Variants in CTNNA2 observed in about 807,000 individuals in gnomAD.
The protein encoded by CTNNA2 is catenin alpha-2.
CTNNA2 carries 42 observed loss-of-function variants against 101.0 expected under a neutral mutation model. The observed-to-expected ratio is 0.42, with a 90% CI of 0.32 to 0.54. The LOEUF is 0.54. CTNNA2 is among the 20% of genes least tolerant of loss of function. The pLI, the probability that CTNNA2 is intolerant of heterozygous loss-of-function variation, is 0.14. For synonymous variants in CTNNA2, 450 were observed against 456.4 expected, an observed-to-expected ratio of 0.99 and a Z score of 0.18; for missense variants, 871 against 1,223.1, an observed-to-expected ratio of 0.71 and a Z score of 4.29.
chr2:79,752,116 G>A (rs1368463479), intron 3 of CTNNA2, among the ~76,000 whole-genome samples: 2 of 152,130 alleles, frequency 1.3e-5, no homozygotes, highest in Non-Finnish European at 2.9e-5. Flanking sequence ...CCACCTGGCA[G>A]AAGGACAATG....
intron 7 of CTNNA2, among the ~76,000 whole-genome samples, chr2:79,940,843 G>A (rs1014873321): frequency 9.9e-5 from 15 of 152,022 alleles, no homozygotes; most frequent in Non-Finnish European, 1.8e-4. Flanking sequence ...ATTGAATATC[G>A]CATGAAAAGA....
Position 79,528,499 on chromosome 2 carries a change from T to G in CTNNA2, c.-6+15292T>G, listed in dbSNP as rs147340139. ...TAATGGTGATGGTTGCATATACTGT[T>G]TGTGCATATACTATAAAACATCCAC... On this transcript the variant is annotated intron_variant, in intron 1 of 18. Transcript: ENST00000402739. Among the ~76,000 whole-genome samples the G allele has an allele frequency of 5.8e-3, 889 of 152,216 alleles. 7 individuals are homozygous for G. The highest frequency in any genetic ancestry group is 0.013 in the South Asian group (62 of 4,822).
chr2:80,325,623 G>A (rs1679169983), intron 7 of CTNNA2, among the ~76,000 whole-genome samples: 1 of 152,116 alleles, frequency 6.6e-6, no homozygotes, highest in Non-Finnish European at 1.5e-5. Flanking sequence ...ATATGAGAAG[G>A]GGGAAAACAT....
Position 79,663,741 on chromosome 2 carries a change from T to C in CTNNA2, c.102+12083T>C, listed in dbSNP as rs151115913. On this transcript the variant is annotated intron_variant, in intron 2 of 18. Transcript: ENST00000402739. ...AATTGTATTAATGTGTATTTGTGTGTGTGAATTTTCTCTGACTCCTCCAAT... is the reference window on the plus strand; with the variant it reads ...AATTGTATTAATGTGTATTTGTGTGCGTGAATTTTCTCTGACTCCTCCAAT... Among the ~76,000 whole-genome samples, 533 of 152,352 alleles carry C rather than the reference T, an allele frequency of 3.5e-3. 11 individuals carry two copies. In the East Asian group the frequency reaches 0.047, roughly 14 times the overall value.
intron 2 of CTNNA2, among the ~76,000 whole-genome samples, chr2:79,731,100 GGTTTGTTT>G (rs745542487): frequency 6.6e-6 from 1 of 151,874 alleles, no homozygotes; most frequent in Admixed American, 6.6e-5. Flanking sequence ...TCAAAATATG[GGTTTGTTT>G]GTTTGTTTAC....
At chr2:79,463,185 G>T (rs1396408040) in intron 4 of CTNNA2, among the ~76,000 whole-genome samples, 3 of 152,162 alleles carry the variant, frequency 2.0e-5, no homozygotes, top group Non-Finnish European at 4.4e-5. Flanking sequence ...GCCGAGGCAG[G>T]AGGATCACCT....
At chr2:79,775,519 A>G (rs1279253176) in intron 3 of CTNNA2, among the ~76,000 whole-genome samples, 3 of 152,224 alleles carry the variant, frequency 2.0e-5, no homozygotes, top group South Asian at 4.1e-4. Context: ...CAGGTTTATT[A>G]CATAGGTAAA....
intron 6 of CTNNA2, among the ~76,000 whole-genome samples, chr2:79,883,868 A>G (rs980233318): frequency 8.5e-5 from 13 of 152,182 alleles, no homozygotes; most frequent in Non-Finnish European, 1.9e-4. Flanking sequence ...AATTGTCATT[A>G]CATTAGAAAG....
intron 2 of CTNNA2, among the ~76,000 whole-genome samples, chr2:79,312,146 C>T (rs2104401187): frequency 6.6e-6 from 1 of 152,090 alleles, no homozygotes; most frequent in African/African-American, 2.4e-5. Flanking sequence ...TGGCCTCAAG[C>T]GATCTTCCTA....
intron 4 of CTNNA2, among the ~76,000 whole-genome samples, chr2:79,462,120 A>G (rs1439637497): frequency 6.6e-6 from 1 of 152,210 alleles, no homozygotes; most frequent in Non-Finnish European, 1.5e-5. Flanking sequence ...CTTTTCTGTA[A>G]TGAAAATAAA....
intron 7 of CTNNA2, among the ~76,000 whole-genome samples, chr2:80,149,255 T>C (rs1573227529): frequency 6.6e-6 from 1 of 152,082 alleles, no homozygotes; most frequent in Non-Finnish European, 1.5e-5. Flanking sequence ...CGCAGGCTGG[T>C]CTTGAACTCC....
chr2:80,058,186 G>T (rs944645844), intron 7 of CTNNA2, among the ~76,000 whole-genome samples: 2 of 152,176 alleles, frequency 1.3e-5, no homozygotes, highest in Non-Finnish European at 2.9e-5. Context: ...AGGATACTGG[G>T]TCTTCTTGTC....
intron 7 of CTNNA2, among the ~76,000 whole-genome samples, chr2:79,958,656 T>C (rs1255506847): frequency 1.3e-5 from 2 of 152,228 alleles, no homozygotes; most frequent in Admixed American, 1.3e-4. Context: ...CCATGTCTTA[T>C]AGACCTGTGA....
At chr2:79,685,597 G>A (rs1019403948) in intron 2 of CTNNA2, among the ~76,000 whole-genome samples, 6 of 152,078 alleles carry the variant, frequency 3.9e-5, no homozygotes, top group African/African-American at 9.7e-5. Context: ...GTGTCCTTAC[G>A]GAGATAGCCT....
chr2:80,103,312 G>T (rs908640586), intron 7 of CTNNA2, among the ~76,000 whole-genome samples: 6 of 151,998 alleles, frequency 3.9e-5, no homozygotes, highest in African/African-American at 1.2e-4. Flanking sequence ...TCCTCATATG[G>T]ACTTTACTTT....
chr2:79,457,483 G>A (rs2104532263), intron 4 of CTNNA2, among the ~76,000 whole-genome samples: 1 of 152,188 alleles, frequency 6.6e-6, no homozygotes, highest in African/African-American at 2.4e-5. Flanking sequence ...AAATATAAGT[G>A]GGTCATTGGG....
chr2:79,199,208 A>G (rs1486806059), intron 2 of CTNNA2, among the ~76,000 whole-genome samples: 1 of 152,236 alleles, frequency 6.6e-6, no homozygotes, highest in Non-Finnish European at 1.5e-5. Flanking sequence ...AAGAGAGGCT[A>G]TAACATGTGT....
chr2:79,863,868 G>A (rs1304538938), intron 4 of CTNNA2, among the ~76,000 whole-genome samples: 1 of 152,088 alleles, frequency 6.6e-6, no homozygotes, highest in African/African-American at 2.4e-5. Context: ...TTGGATTGTT[G>A]AGGAAAGCTG....
At position 79,469,792 on chromosome 2, in the gene CTNNA2, C is replaced by T. The variant is rs529717230; in HGVS notation, c.-134-35262C>T. Reference sequence around the variant, plus strand: ...AAAGACAAAAACCACATGATTATCTCAATAGATGCAGAAAAGGCCTTCAAC... The same window carrying T: ...AAAGACAAAAACCACATGATTATCTTAATAGATGCAGAAAAGGCCTTCAAC... On this transcript the variant is annotated intron_variant, in intron 4 of 21. Coordinates refer to the CTNNA2 transcript ENST00000466387. Among the ~76,000 whole-genome samples, 3 of 152,262 alleles carry T rather than the reference C, an allele frequency of 2.0e-5. No homozygotes were observed. The South Asian group carries it at 6.2e-4, about 32-fold the overall frequency.
Sources: allele counts gnomAD v4.1 joint callset (sites outside exome capture counted in the v4.1 genomes callset), GRCh38; gene constraint gnomAD v4.1.1; transcripts MANE v1.5; gene names NCBI Gene and HGNC (gene_info 2026-07-23, HGNC 2026-07-21).